Variants in OPCML observed in about 807,000 individuals in gnomAD.
The protein encoded by OPCML is opioid binding protein/cell adhesion molecule like.
A neutral mutation model predicts 37.8 loss-of-function variants in OPCML; 13 were observed. That is an observed-to-expected ratio of 0.34 (90% CI 0.22 to 0.55). The LOEUF (loss-of-function observed/expected upper bound fraction) is 0.55, where lower values mean the gene tolerates loss of function less well. Among genes scored for constraint, OPCML ranks in the 20% least tolerant of loss-of-function variants. The pLI is 0.91. For synonymous variants in OPCML, 176 were observed against 168.8 expected, an observed-to-expected ratio of 1.04 and a Z score of -0.33; for missense variants, 341 against 435.6, an observed-to-expected ratio of 0.78 and a Z score of 1.93.
chr11:132,577,097 T>C (rs1219031857), intron 3 of OPCML, among the ~76,000 whole-genome samples: 3 of 152,150 alleles, frequency 2.0e-5, no homozygotes, highest in African/African-American at 7.2e-5. Flanking sequence ...GAATCCCCCT[T>C]ACAGCTTTAG....
chr11:133,121,944 G>A (rs955963796), intron 1 of OPCML, among the ~76,000 whole-genome samples: 3 of 151,906 alleles, frequency 2.0e-5, no homozygotes, highest in Non-Finnish European at 2.9e-5. Flanking sequence ...CCTTATTTTT[G>A]GCCCTTAAAA....
intron 7 of OPCML, among the ~76,000 whole-genome samples, chr11:132,433,203 G>C (rs919227206): frequency 2.6e-5 from 4 of 152,218 alleles, no homozygotes; most frequent in East Asian, 1.9e-4. Context: ...AGAGGCGATA[G>C]CATGGGCCAT....
At chr11:133,028,942 A>T (rs960746712) in intron 1 of OPCML, among the ~76,000 whole-genome samples, 1 of 152,298 alleles carries the variant, frequency 6.6e-6, no homozygotes, top group Non-Finnish European at 1.5e-5. Flanking sequence ...ACAGAATGGG[A>T]AAAAATATTT....
intron 1 of OPCML, among the ~76,000 whole-genome samples, chr11:132,982,983 C>A (rs748683836): frequency 3.9e-5 from 6 of 152,176 alleles, no homozygotes; most frequent in African/African-American, 1.2e-4. Context: ...ATTTGCATAA[C>A]AATTACATGC....
intron 1 of OPCML, among the ~76,000 whole-genome samples, chr11:133,258,538 T>G (rs1941389966): frequency 6.6e-6 from 1 of 152,150 alleles, no homozygotes; most frequent in Non-Finnish European, 1.5e-5. Flanking sequence ...GAGGTTATGA[T>G]GATTGAGCTT....
intron 1 of OPCML, among the ~76,000 whole-genome samples, chr11:133,123,520 G>A (rs534688410): frequency 6.6e-6 from 1 of 152,248 alleles, no homozygotes; most frequent in South Asian, 2.1e-4. Context: ...AGGGCAGCAC[G>A]CCTCCGAGGG....
At chr11:132,527,976 C>G (rs1278736684) in intron 4 of OPCML, among the ~76,000 whole-genome samples, 1 of 152,170 alleles carries the variant, frequency 6.6e-6, no homozygotes, top group Non-Finnish European at 1.5e-5. Context: ...AGCAAACCAT[C>G]AGCATCTAGG....
intron 2 of OPCML, among the ~76,000 whole-genome samples, chr11:132,748,176 G>C (rs1945703944): frequency 6.6e-6 from 1 of 151,670 alleles, no homozygotes; most frequent in East Asian, 2.0e-4. Flanking sequence ...GGATGGGTTT[G>C]ATACTTGAGG....
intron 1 of OPCML, among the ~76,000 whole-genome samples, chr11:133,522,180 G>A (rs1474496354): frequency 6.6e-6 from 1 of 152,196 alleles, no homozygotes; most frequent in Non-Finnish European, 1.5e-5. Context: ...CATTTAACAT[G>A]AATCATTAAT....
At chr11:133,275,738 C>T (rs979874727) in intron 1 of OPCML, among the ~76,000 whole-genome samples, 1 of 152,140 alleles carries the variant, frequency 6.6e-6, no homozygotes, top group East Asian at 1.9e-4. Context: ...GTCCCTAGCA[C>T]CCAGAAAGGC....
chr11:133,028,460 A>G (rs1450446562), intron 1 of OPCML, among the ~76,000 whole-genome samples: 4 of 151,964 alleles, frequency 2.6e-5, no homozygotes, highest in African/African-American at 9.7e-5. Context: ...AAGTACACAC[A>G]TTGCTTAGAG....
At chr11:133,409,982 G>C (rs969690245) in intron 1 of OPCML, among the ~76,000 whole-genome samples, 35 of 152,042 alleles carry the variant, frequency 2.3e-4, no homozygotes, top group South Asian at 6.2e-4. Context: ...ACAAGCAGAG[G>C]AAGGACGTGC....
intron 1 of OPCML, among the ~76,000 whole-genome samples, chr11:133,292,598 C>T (rs574376365): frequency 7.1e-4 from 108 of 152,304 alleles, no homozygotes; most frequent in African/African-American, 2.6e-3. Flanking sequence ...ACACGGGAGG[C>T]AGGTCCGTAC....
chr11:132,933,452 C>T (rs1945274504), intron 2 of OPCML, among the ~76,000 whole-genome samples: 1 of 152,176 alleles, frequency 6.6e-6, no homozygotes, highest in African/African-American at 2.4e-5. Context: ...GAAACAGCAA[C>T]TATTTAGGGA....
chr11:133,187,719 A>ATC (rs1709610786), intron 1 of OPCML, among the ~76,000 whole-genome samples: 1 of 152,224 alleles, frequency 6.6e-6, no homozygotes, highest in Non-Finnish European at 1.5e-5. Flanking sequence ...TTGAAAGAGT[A>ATC]TCTCTTTCCC....
At chr11:132,927,364 A>T (rs1945030000) in intron 2 of OPCML, among the ~76,000 whole-genome samples, 2 of 152,160 alleles carry the variant, frequency 1.3e-5, no homozygotes, top group South Asian at 4.1e-4. Context: ...CTCAGCAGAA[A>T]TCTTGCCTCC....
At chr11:132,795,288 A>T (rs1032150584) in intron 2 of OPCML, among the ~76,000 whole-genome samples, 3 of 152,212 alleles carry the variant, frequency 2.0e-5, no homozygotes, top group African/African-American at 4.8e-5. Context: ...ACTGGAGAAG[A>T]CTTTAAATGA....
intron 1 of OPCML, among the ~76,000 whole-genome samples, chr11:133,335,610 T>C (rs1943728389): frequency 6.6e-6 from 1 of 152,090 alleles, no homozygotes; most frequent in African/African-American, 2.4e-5. Context: ...AGAGGATAAG[T>C]TGACTTTCAA....
intron 1 of OPCML, among the ~76,000 whole-genome samples, chr11:132,946,419 A>C (rs982617907): frequency 6.6e-6 from 1 of 152,238 alleles, no homozygotes; most frequent in African/African-American, 2.4e-5. Context: ...TGTACTGTAC[A>C]TATTTACATG....
Sources: gnomAD v4.1 joint callset for allele counts (sites outside exome capture counted in the v4.1 genomes callset) on GRCh38, gnomAD v4.1.1 for gene constraint, MANE v1.5 for transcripts, NCBI Gene and HGNC (gene_info 2026-07-23, HGNC 2026-07-21) for gene names.